Variants in CLOCK observed in about 807,000 individuals in gnomAD.
CLOCK encodes clock circadian regulator, also known as circadian locomoter output cycles protein kaput.
In CLOCK, 43 loss-of-function variants were observed where a neutral mutation model predicts 118.4. The ratio of observed to expected loss-of-function variants is 0.36; its 90% confidence interval spans 0.28 to 0.47. The LOEUF (loss-of-function observed/expected upper bound fraction) is 0.47. Ranked by LOEUF, CLOCK falls within the 20% of genes least tolerant of loss-of-function variation. The pLI, the probability that CLOCK is intolerant of heterozygous loss-of-function variation, is 1.00. For missense variants in CLOCK, 846 were observed against 999.9 expected (o/e 0.85, Z 2.08); for synonymous variants, 326 against 339.2 (o/e 0.96, Z 0.43).
In CLOCK at chr4:55,536,352, C is replaced by T. The variant is rs144250912; in HGVS notation, c.-290+10430G>A. ...GGTTGGATGCTTGTCCCCTCCAAAT[C>T]TCATGATGAAATGTAAATGTAATTC... On this transcript the variant is annotated intron_variant, in intron 1 of 22. Transcript: ENST00000513440. Among the ~76,000 whole-genome samples the T allele has an allele frequency of 5.1e-4, 77 of 152,256 alleles. No homozygotes were observed. In the Middle Eastern group the frequency reaches 0.01, roughly 20 times the overall value.
In CLOCK at chr4:55,435,601, A is replaced by C. The variant is rs751399011; in HGVS notation, c.2362-7T>G. On this transcript the variant is annotated splice_region_variant and splice_polypyrimidine_tract_variant and intron_variant, in intron 22 of 22. Transcript: ENST00000513440. The stretch of plus-strand genomic sequence containing the variant: ...CATGGAGCAACCTAGAAGTCTAAAA[A>C]ACAAATGGATTATGCAGCATTGCTT... The C allele has an allele frequency of 3.0e-5, 49 of 1,613,646 alleles. 1 individual carries two copies. In the South Asian group the frequency reaches 5.4e-4, roughly 18 times the overall value.
intron 21 of CLOCK, among the ~76,000 whole-genome samples, chr4:55,441,709 T>C (rs1302622226): frequency 6.6e-6 from 1 of 151,908 alleles, no homozygotes; most frequent in South Asian, 2.1e-4. Context: ...CAGAGTGATA[T>C]AATAGACTTT....
chr4:55,514,917 C>T (rs1261053457), intron 1 of CLOCK, among the ~76,000 whole-genome samples: 1 of 152,126 alleles, frequency 6.6e-6, no homozygotes, highest in South Asian at 2.1e-4. Flanking sequence ...AAAGTATTCC[C>T]TCTGCTTCTG....
In CLOCK at chr4:55,478,951, G is replaced by A; in HGVS notation, c.120C>T (p.Asn40=). The change falls in exon 6 of 23, where the codon AAC becomes AAT. Residue 40 remains asparagine, a synonymous_variant. Coordinates refer to ENST00000513440, the MANE Select transcript of CLOCK (RefSeq NM_004898.4). ...GATCTCTACGTTTCTTTTCAGATTT[G>A]TTTCTAGATACTCTGATGAAATGAA... ...DKDKAKRVSR[N]KSEKKRRDQF... The A allele has an allele frequency of 6.3e-7, 1 of 1,593,234 alleles. No individual in the cohort carries two copies. The highest frequency in any genetic ancestry group is 8.6e-7 in the Non-Finnish European group (1 of 1,166,742).
intron 13 of CLOCK, among the ~76,000 whole-genome samples, chr4:55,454,876 G>A (rs916817208): frequency 1.3e-4 from 3 of 23,214 alleles, no homozygotes; most frequent in South Asian, 1.4e-3. Flanking sequence ...CGCCGCCACC[G>A]CCTCTCACTC....
rs781485146 is a variant in CLOCK at position 55,459,017 on chromosome 4, C to T, written c.674-7G>A. 1.3e-6 allele frequency: 2 copies of T among 1,599,596 alleles called. No individual in the cohort carries two copies. Among genetic ancestry groups the T allele is most frequent in the African/African-American group, 2.7e-5 (2 of 74,664 alleles). On this transcript the variant is annotated splice_polypyrimidine_tract_variant and splice_region_variant and intron_variant, in intron 10 of 22. Transcript: ENST00000513440. ...TTGTGTGCTGAAGAGGATACTAAAACAATAGGGAAATATGTATCATCAGTT... is the reference window on the plus strand; with the variant it reads ...TTGTGTGCTGAAGAGGATACTAAAATAATAGGGAAATATGTATCATCAGTT...
At chr4:55,498,894 A>T (rs560617111) in intron 2 of CLOCK, among the ~76,000 whole-genome samples, 2 of 152,204 alleles carry the variant, frequency 1.3e-5, no homozygotes, top group South Asian at 4.1e-4. Context: ...TACTCTTGAT[A>T]CAGAAGACAC....
At chr4:55,444,602 T>C in intron 19 of CLOCK, 31 bp downstream of exon 19, 1 of 1,613,676 alleles carries the variant, frequency 6.2e-7, no homozygotes, top group Non-Finnish European at 8.5e-7. Context: ...GTGAATGGGA[T>C]GCTTTGTTTG....
At chr4:55,444,819 T>G in intron 18 of CLOCK, 34 bp from the exon 19 acceptor site, 4 of 1,602,570 alleles carry the variant, frequency 2.5e-6, no homozygotes, top group Non-Finnish European at 3.4e-6. Context: ...GTGTAATATA[T>G]TTTAGAATTA....
At chr4:55,544,155 GAAAC>G (rs1731458828) in intron 1 of CLOCK, among the ~76,000 whole-genome samples, 2 of 106,756 alleles carry the variant, frequency 1.9e-5, no homozygotes, top group Middle Eastern at 4.3e-3. Context: ...ACTTTCATGA[GAAAC>G]AACCAGACAC....
intron 15 of CLOCK, among the ~76,000 whole-genome samples, chr4:55,452,054 T>A (rs1724506423): frequency 6.6e-6 from 1 of 152,206 alleles, no homozygotes; most frequent in Non-Finnish European, 1.5e-5. Flanking sequence ...AAAAATACTG[T>A]GGTAGGCAAT....
chr4:55,523,579 T>C (rs182311786), intron 1 of CLOCK, among the ~76,000 whole-genome samples: 169 of 152,338 alleles, frequency 1.1e-3, no homozygotes, highest in Non-Finnish European at 1.9e-3. Flanking sequence ...CTACATGACA[T>C]GGGTAATGTC....
At chr4:55,454,657 A>C (rs1342925031) in intron 13 of CLOCK, among the ~76,000 whole-genome samples, 1 of 150,512 alleles carries the variant, frequency 6.6e-6, no homozygotes, top group African/African-American at 2.4e-5. Flanking sequence ...AGTTAAATTA[A>C]TTTGGGAAAC....
intron 1 of CLOCK, among the ~76,000 whole-genome samples, chr4:55,517,241 T>A (rs1729572967): frequency 6.6e-6 from 1 of 152,202 alleles, no homozygotes; most frequent in Non-Finnish European, 1.5e-5. Context: ...CCGGGCACGG[T>A]GGCTCACACC....
intron 7 of CLOCK, among the ~76,000 whole-genome samples, chr4:55,474,718 T>C (rs564008778): frequency 1.3e-5 from 2 of 152,226 alleles, no homozygotes; most frequent in South Asian, 2.1e-4. Flanking sequence ...GCCCTATAAA[T>C]AGAGCAACAA....
At chr4:55,450,022 C>A in intron 16 of CLOCK, 69 bp downstream of exon 16, 1 of 1,544,090 alleles carries the variant, frequency 6.5e-7, no homozygotes, top group East Asian at 2.3e-5. Context: ...ATGAGAAATG[C>A]TGATATAAGT....
At chr4:55,472,726 C>A (rs572963249) in intron 7 of CLOCK, among the ~76,000 whole-genome samples, 11 of 151,766 alleles carry the variant, frequency 7.2e-5, no homozygotes, top group South Asian at 4.2e-4. Context: ...ATGGTCCCCT[C>A]CCCCTTGTCC....
At chr4:55,487,164 T>C (rs1727351071) in intron 3 of CLOCK, among the ~76,000 whole-genome samples, 1 of 152,208 alleles carries the variant, frequency 6.6e-6, no homozygotes, top group Admixed American at 6.5e-5. Context: ...TACCTTTATG[T>C]AAGGTTTGTG....
In CLOCK at chr4:55,458,935, C is replaced by T. The variant is rs1481580532; in HGVS notation, c.749G>A (p.Cys250Tyr). 1.2e-6 allele frequency: 2 copies of T among 1,613,874 alleles called. No homozygotes were observed. Among genetic ancestry groups the T allele is most frequent in the South Asian group, 2.2e-5 (2 of 91,082 alleles). The change falls in exon 11 of 23, where the codon TGT (cysteine) becomes TAT (tyrosine). Residue 250 changes from cysteine (C) to tyrosine (Y), a missense_variant. Transcript: ENST00000513440. ...THRPSYEDRV[C>Y]FVATVRLATP... ...AGCTAACCTGACAGTAGCTACAAAA[C>T]AAACTCTATCTTCATAAGATGGCCT...
Sources: allele counts gnomAD v4.1 joint callset (sites outside exome capture counted in the v4.1 genomes callset), GRCh38; gene constraint gnomAD v4.1.1; transcripts MANE v1.5; gene names NCBI Gene and HGNC (gene_info 2026-07-23, HGNC 2026-07-21).